Variants in MYT1L observed in about 807,000 individuals in gnomAD.
MYT1L encodes the protein myelin transcription factor 1 like.
In MYT1L, 12 loss-of-function variants were observed where a neutral mutation model predicts 126.7. The ratio of observed to expected loss-of-function variants is 0.09; its 90% confidence interval spans 0.06 to 0.15. The LOEUF is 0.15. Among genes scored for constraint, MYT1L ranks in the 10% least tolerant of loss-of-function variants. MYT1L has a pLI of 1.00. For missense variants in MYT1L, 979 were observed against 1,585.2 expected, an observed-to-expected ratio of 0.62 and a Z score of 6.49; for synonymous variants, 541 against 604.2, an observed-to-expected ratio of 0.90 and a Z score of 1.53.
intron 3 of MYT1L, among the ~76,000 whole-genome samples, chr2:2,143,848 A>G (rs1201008521): frequency 6.6e-6 from 1 of 152,102 alleles, no homozygotes; most frequent in East Asian, 1.9e-4. Flanking sequence ...ATCCTAAGTG[A>G]ACTAACACAG....
chr2:1,898,407 T>C (rs1266246900), intron 14 of MYT1L, among the ~76,000 whole-genome samples: 1 of 152,238 alleles, frequency 6.6e-6, no homozygotes, highest in Non-Finnish European at 1.5e-5. Context: ...TGGAGCTTTC[T>C]AGCCTGTGGG....
intron 21 of MYT1L, among the ~76,000 whole-genome samples, chr2:1,836,424 GATTCCATCAGCCTGCACTCCAAC>G (rs1181134996): frequency 6.8e-6 from 1 of 147,850 alleles, no homozygotes; most frequent in African/African-American, 2.5e-5. Flanking sequence ...CTGCCCCCAA[GATTCCATCAGCCTGCACTCCAAC>G]ATTCCATCAG....
chr2:1,973,958 T>C (rs1368736711), intron 8 of MYT1L, among the ~76,000 whole-genome samples: 6 of 152,214 alleles, frequency 3.9e-5, no homozygotes, highest in African/African-American at 4.8e-5. Flanking sequence ...GAGAAGAATA[T>C]GCAGCAGCTT....
intron 2 of MYT1L, among the ~76,000 whole-genome samples, chr2:2,253,203 G>C (rs143308806): frequency 2.0e-5 from 3 of 152,288 alleles, no homozygotes; most frequent in Admixed American, 2.0e-4. Context: ...GAGCCGGAGC[G>C]GGCTCCACTG....
chr2:1,917,126 G>T lies in MYT1L; in HGVS notation c.1618+79C>A. 2.0e-6 allele frequency: 3 copies of T among 1,515,860 alleles called. No homozygotes were observed. The highest frequency in any genetic ancestry group is 2.7e-6 in the Non-Finnish European group (3 of 1,112,716). The allele number at this position is 1,515,860 out of a possible 1,614,324, so 93.9% of individuals were successfully genotyped here. A position where few individuals can be genotyped will look rare whatever the true frequency, so the allele number is the denominator to read the frequency against. ...TCGCACCGAGCCGTACAATGGAGAT[G>T]ATGTCAGGTAAGAGGGATGACAGAG... On this transcript the variant is annotated intron_variant, in intron 11 of 24. Coordinates refer to ENST00000647738, the MANE Select transcript of MYT1L (RefSeq NM_001303052.2). The surrounding 1 kb of genome is among the most constrained non-coding windows in gnomAD (Gnocchi z 5.9).
In MYT1L at chr2:2,222,192, C is replaced by A. The variant is rs145463580; in HGVS notation, c.-420-49204G>T. 4.4e-3 allele frequency among the ~76,000 whole-genome samples: 671 copies of A among 152,098 alleles called. 3 individuals carry two copies. The highest frequency in any genetic ancestry group is 0.015 in the African/African-American group (636 of 41,468). ...AACTCAGTGAAAAGGAGTTCAATAT[C>A]CTTTTAGAAATATTTTGGGGCTGGG... On this transcript the variant is annotated intron_variant, in intron 2 of 24. Transcript: ENST00000647738.
chr2:1,866,094 T>C (rs1261512259), intron 18 of MYT1L, among the ~76,000 whole-genome samples: 3 of 152,188 alleles, frequency 2.0e-5, no homozygotes, highest in Non-Finnish European at 4.4e-5. Flanking sequence ...TTGCCTGCGA[T>C]GGAGCAGCTC....
intron 14 of MYT1L, among the ~76,000 whole-genome samples, chr2:1,900,911 G>A (rs1036528718): frequency 6.6e-6 from 1 of 152,166 alleles, no homozygotes; most frequent in Non-Finnish European, 1.5e-5. Flanking sequence ...CCGGGAATGC[G>A]ATGATCAATG....
In MYT1L at chr2:1,967,063, C is replaced by T. The variant is rs984941380; in HGVS notation, c.152+12102G>A. On this transcript the variant is annotated intron_variant, in intron 8 of 24. Transcript: ENST00000647738. ...GGGGTACAAGTGGCTTTTGGTTACA[C>T]GGATGAATTGTGACAACAGATACTA... is the stretch of plus-strand genomic sequence containing the variant. Among the ~76,000 whole-genome samples the T allele has an allele frequency of 4.6e-5, 7 of 152,052 alleles. No homozygotes were observed. The South Asian group carries it at 8.3e-4, about 18-fold the overall frequency.
intron 3 of MYT1L, among the ~76,000 whole-genome samples, chr2:2,168,340 G>A (rs1006465137): frequency 2.0e-5 from 3 of 152,282 alleles, no homozygotes; most frequent in African/African-American, 4.8e-5. Flanking sequence ...AGTCATAGCC[G>A]AACATAAAAA....
intron 20 of MYT1L, 118 bp downstream of exon 20, chr2:1,840,642 A>C: frequency 1.4e-6 from 1 of 737,326 alleles, no homozygotes; most frequent in African/African-American, 1.8e-5. Flanking sequence ...GAAATCTCAA[A>C]GAATGGCCAC....
chr2:2,171,652 G>A (rs181662227), intron 3 of MYT1L, among the ~76,000 whole-genome samples: 159 of 151,944 alleles, frequency 1.0e-3, no homozygotes, highest in Admixed American at 3.9e-3. Context: ...TTTTAACCTC[G>A]GGGAAATGTA....
In MYT1L at chr2:1,910,202, T is replaced by C. The variant is rs749819937; in HGVS notation, c.1817+38A>G. On this transcript the variant is annotated intron_variant, in intron 13 of 24. Coordinates refer to ENST00000647738, the MANE Select transcript of MYT1L (RefSeq NM_001303052.2). The surrounding 1 kb of genome is among the most constrained non-coding windows in gnomAD (Gnocchi z 4.8). Reference sequence around the variant, plus strand: ...GCGCTCCGAGGTGTGGGGCAGACTATGGATAGAGCTCACGGATGGTGCACT... The same window carrying C: ...GCGCTCCGAGGTGTGGGGCAGACTACGGATAGAGCTCACGGATGGTGCACT... 3 of 1,577,724 alleles carry C rather than the reference T, an allele frequency of 1.9e-6. No individual in the cohort carries two copies. Among genetic ancestry groups the C allele is most frequent in the Non-Finnish European group, 2.6e-6 (3 of 1,150,676 alleles).
chr2:2,033,425 C>G (rs1396334023), intron 4 of MYT1L, among the ~76,000 whole-genome samples: 3 of 151,444 alleles, frequency 2.0e-5, no homozygotes, highest in Non-Finnish European at 2.9e-5. Context: ...AGAGCAGATT[C>G]GAGAAGGAGG....
intron 3 of MYT1L, among the ~76,000 whole-genome samples, chr2:2,142,060 T>C (rs1313829642): frequency 6.6e-6 from 1 of 152,230 alleles, no homozygotes; most frequent in African/African-American, 2.4e-5. Flanking sequence ...TAATTACTTC[T>C]GTCTACCTTT....
chr2:2,128,765 G>T (rs2082013486), intron 3 of MYT1L, among the ~76,000 whole-genome samples: 1 of 152,072 alleles, frequency 6.6e-6, no homozygotes, highest in South Asian at 2.1e-4. Context: ...CAACAGCATA[G>T]GTCATATTAA....
chr2:2,040,022 G>C (rs1475422778), intron 4 of MYT1L, among the ~76,000 whole-genome samples: 1 of 152,182 alleles, frequency 6.6e-6, no homozygotes, highest in Non-Finnish European at 1.5e-5. Context: ...GCCTGCGAAA[G>C]GGAAATGAAG....
intron 3 of MYT1L, among the ~76,000 whole-genome samples, chr2:2,063,560 A>G (rs2070816863): frequency 6.6e-6 from 1 of 152,134 alleles, no homozygotes; most frequent in Non-Finnish European, 1.5e-5. Context: ...AAAAAAGAAC[A>G]TGGCCAGGCG....
In MYT1L at chr2:1,929,978, A is replaced by G. The variant is rs1474673459; in HGVS notation, c.506-6715T>C. On this transcript the variant is annotated intron_variant, in intron 9 of 24. Transcript: ENST00000647738. The surrounding 1 kb of genome is among the most constrained non-coding windows in gnomAD (Gnocchi z 4.7). ...AGATAATTTTCTGAGACATAGGAAG[A>G]TCCGTGTTTAGCAGGCATTCATCTG... 3.3e-5 allele frequency among the ~76,000 whole-genome samples: 5 copies of G among 152,182 alleles called. No homozygotes were observed.
Sources: allele counts gnomAD v4.1 joint callset (sites outside exome capture counted in the v4.1 genomes callset), GRCh38; gene constraint gnomAD v4.1.1; non-coding constraint Gnocchi (gnomAD v3.1); transcripts MANE v1.5; gene names NCBI Gene and HGNC (gene_info 2026-07-23, HGNC 2026-07-21).